The following TAMM41 variants were observed in gnomAD, a reference collection of about 807,000 sequenced individuals.
TAMM41 encodes TAM41 mitochondrial translocator assembly and maintenance homolog.
TAMM41 carries 36 observed loss-of-function variants against 44.1 expected under a neutral mutation model. The observed-to-expected ratio is 0.82, with a 90% CI of 0.63 to 1.08. The LOEUF is 1.08. Among genes scored for constraint, TAMM41 ranks in the 50% least tolerant of loss-of-function variants. TAMM41 has a pLI of 0.00. For synonymous variants in TAMM41, 164 were observed against 153.1 expected, an observed-to-expected ratio of 1.07 and a Z score of -0.53; for missense variants, 417 against 404.3, an observed-to-expected ratio of 1.03 and a Z score of -0.27.
chr3:11,733,471 T>A, the TAMM41 span, among the ~76,000 whole-genome samples: 2 of 151,720 alleles, frequency 1.3e-5, no homozygotes, highest in African/African-American at 4.8e-5. Context: ...ATCCAGGCCT[T>A]ATAAGGAGTT....
intron 7 of TAMM41, among the ~76,000 whole-genome samples, chr3:11,805,469 G>T (rs1476544582): frequency 6.6e-6 from 1 of 151,812 alleles, no homozygotes; most frequent in Non-Finnish European, 1.5e-5. Context: ...ACAGGGTCTT[G>T]CTGTGTTGCC....
At position 11,844,344 on chromosome 3, in the gene TAMM41, G is replaced by A. The variant is rs552818745; in HGVS notation, c.136-133C>T. ...GGCCTGGTGCTGTCATCAGAAATGT[G>A]AGCGAGTCTCTGGAACAAATATGAG... On this transcript the variant is annotated intron_variant, in intron 1 of 7. Coordinates refer to ENST00000455809, the MANE Select transcript of TAMM41 (RefSeq NM_001284401.2). 5.3e-5 allele frequency: 39 copies of A among 741,796 alleles called. No homozygotes were observed. The Middle Eastern group carries it at 1.4e-3, about 27-fold the overall frequency. The allele number at this position is 741,796 out of a possible 1,614,324, so 46.0% of individuals were successfully genotyped here. A position where few individuals can be genotyped will look rare whatever the true frequency, so the allele number is the denominator to read the frequency against.
chr3:11,829,103 T>C (rs1029778867), intron 4 of TAMM41, among the ~76,000 whole-genome samples: 7 of 152,296 alleles, frequency 4.6e-5, no homozygotes, highest in Non-Finnish European at 5.9e-5. Flanking sequence ...ACATAATATG[T>C]GTGACCTACC....
At chr3:11,766,515 T>C in the TAMM41 span, among the ~76,000 whole-genome samples, 8 of 152,004 alleles carry the variant, frequency 5.3e-5, no homozygotes, top group African/African-American at 1.9e-4. Flanking sequence ...AGGTAGAGTA[T>C]GTTTTTATTT....
the TAMM41 span, among the ~76,000 whole-genome samples, chr3:11,740,654 C>T: frequency 6.6e-6 from 1 of 151,814 alleles, no homozygotes; most frequent in East Asian, 2.0e-4. Flanking sequence ...GTGATCTTGG[C>T]TCACCACAAC....
At chr3:11,725,421 T>TCC in the TAMM41 span, among the ~76,000 whole-genome samples, 100 of 86,232 alleles carry the variant, frequency 1.2e-3, no homozygotes, top group East Asian at 5.2e-3. Flanking sequence ...CTTCTTCTTC[T>TCC]TCTTTCCTCC....
chr3:11,793,795 T>G (rs1475322362), intron 7 of TAMM41, among the ~76,000 whole-genome samples: 1 of 152,094 alleles, frequency 6.6e-6, no homozygotes, highest in Non-Finnish European at 1.5e-5. Flanking sequence ...AGGCTGGAGC[T>G]TACTCTCGGA....
intron 7 of TAMM41, among the ~76,000 whole-genome samples, chr3:11,806,880 G>C (rs551072361): frequency 2.0e-4 from 30 of 152,226 alleles, no homozygotes; most frequent in Non-Finnish European, 3.2e-4. Flanking sequence ...TTAAGAATCA[G>C]ATTGGCTTTA....
At chr3:11,737,461 C>G in the TAMM41 span, among the ~76,000 whole-genome samples, 1 of 151,984 alleles carries the variant, frequency 6.6e-6, no homozygotes, top group Non-Finnish European at 1.5e-5. Context: ...GCTGGGATTA[C>G]AGGCACCCAC....
At chr3:11,780,193 A>C in the TAMM41 span, among the ~76,000 whole-genome samples, 3 of 152,220 alleles carry the variant, frequency 2.0e-5, no homozygotes, top group East Asian at 5.8e-4. Context: ...CAATGAACAG[A>C]CTAACAAGAA....
intron 4 of TAMM41, among the ~76,000 whole-genome samples, chr3:11,827,599 T>A (rs1307120416): frequency 1.5e-5 from 2 of 129,874 alleles, no homozygotes; most frequent in East Asian, 2.3e-4. Flanking sequence ...CCACCACAGC[T>A]GGCTGGGTTA....
chr3:11,769,616 A>T, the TAMM41 span, among the ~76,000 whole-genome samples: 1 of 152,220 alleles, frequency 6.6e-6, no homozygotes, highest in Non-Finnish European at 1.5e-5. Context: ...TGTATTTACA[A>T]AGCCAGGAGG....
intron 2 of TAMM41, 114 bp downstream of exon 2, chr3:11,843,915 G>A (rs188983608): frequency 6.2e-5 from 66 of 1,069,784 alleles, no homozygotes; most frequent in Non-Finnish European, 8.1e-5. Flanking sequence ...CTATAACAAC[G>A]TCCAGCAGGA....
the TAMM41 span, among the ~76,000 whole-genome samples, chr3:11,744,696 G>GA: frequency 1.3e-4 from 20 of 150,700 alleles, no homozygotes; most frequent in Non-Finnish European, 2.2e-4. Flanking sequence ...CTTTGTCTCA[G>GA]AAAAAAAAGA....
chr3:11,766,230 C>G, the TAMM41 span, among the ~76,000 whole-genome samples: 1 of 151,450 alleles, frequency 6.6e-6, no homozygotes, highest in Admixed American at 6.6e-5. Context: ...GGAGTGAGGA[C>G]CACGGCTCAC....
At chr3:11,735,786 G>T in the TAMM41 span, among the ~76,000 whole-genome samples, 1 of 152,174 alleles carries the variant, frequency 6.6e-6, no homozygotes, top group Admixed American at 6.5e-5. Context: ...GAAGGAAGTT[G>T]AGGGAGCAAA....
At chr3:11,771,031 C>A in the TAMM41 span, among the ~76,000 whole-genome samples, 1 of 152,094 alleles carries the variant, frequency 6.6e-6, no homozygotes, top group Non-Finnish European at 1.5e-5. Flanking sequence ...TTCTCCCCTG[C>A]AGTTCTCTCT....
chr3:11,731,935 C>A, the TAMM41 span, among the ~76,000 whole-genome samples: 1 of 151,106 alleles, frequency 6.6e-6, no homozygotes, highest in East Asian at 1.9e-4. Flanking sequence ...AGCACAATCT[C>A]GGCTCACTGC....
chr3:11,846,386 G>T, intron 1 of TAMM41, 116 bp downstream of exon 1: 1 of 1,213,726 alleles, frequency 8.2e-7, no homozygotes, highest in Non-Finnish European at 1.2e-6. Context: ...CACTCTGCTA[G>T]TGGACACGTG....
Sources: allele counts gnomAD v4.1 joint callset (sites outside exome capture counted in the v4.1 genomes callset), GRCh38; gene constraint gnomAD v4.1.1; transcripts MANE v1.5; gene names NCBI Gene and HGNC (gene_info 2026-07-23, HGNC 2026-07-21).